Variants in FIGNL2 observed in about 807,000 individuals in gnomAD.
FIGNL2 encodes fidgetin-like protein 2.
For missense variants in FIGNL2, 1,060 were observed against 950.2 expected, an observed-to-expected ratio of 1.12 and a Z score of -1.52; for synonymous variants, 565 against 484.0, an observed-to-expected ratio of 1.17 and a Z score of -2.20.
At chr12:51,823,063 C>T (rs916328624) in intron 1 of FIGNL2, among the ~76,000 whole-genome samples, 3 of 152,214 alleles carry the variant, frequency 2.0e-5, no homozygotes, top group African/African-American at 2.4e-5. Context: ...TGGGAAACCT[C>T]AGTGGCTGAC....
In FIGNL2 at chr12:51,821,716, G is replaced by C; in HGVS notation, c.698C>G (p.Pro233Arg). The C allele has an allele frequency of 7.5e-7, 1 of 1,335,268 alleles. No individual in the cohort carries two copies. Among genetic ancestry groups the C allele is most frequent in the Non-Finnish European group, 9.5e-7 (1 of 1,050,904 alleles). 82.7% of individuals were successfully genotyped at this position (1,335,268 alleles called of 1,614,324 possible). ...PGPPPAPYLT[P>R]GLPAPTPLPA... ...CAGGGGCGTGGGCGCGGGCAGGCCC[G>C]GGGTCAGGTAGGGGGCCGGGGGTGG... is the stretch of plus-strand genomic sequence containing the variant. The change falls in exon 2 of 2, where the codon CCG becomes CGG. Residue 233 changes from proline (P) to arginine (R), a missense_variant. Pro to Arg is a moderately radical substitution (Grantham distance 103, BLOSUM62 -2). Coordinates refer to ENST00000618634, the MANE Select transcript of FIGNL2 (RefSeq NM_001384995.1).
At chr12:51,831,478 C>T (rs573466840) in intron 1 of FIGNL2, among the ~76,000 whole-genome samples, 16 of 152,312 alleles carry the variant, frequency 1.1e-4, no homozygotes, top group African/African-American at 3.6e-4. Flanking sequence ...CCCCAGGTCA[C>T]GCAATCCTCT....
At chr12:51,845,714 G>T (rs953555194) in intron 1 of FIGNL2, 21 of 972,786 alleles carry the variant, frequency 2.2e-5, no homozygotes, top group Non-Finnish European at 2.6e-5. Context: ...CTGGCTGACC[G>T]ACGGCAGGGG....
chr12:51,827,394 T>G (rs542606801), intron 1 of FIGNL2, among the ~76,000 whole-genome samples: 17 of 152,194 alleles, frequency 1.1e-4, no homozygotes, highest in Non-Finnish European at 2.5e-4. Flanking sequence ...CTATTTGTTT[T>G]TTTTTTTTTT....
chr12:51,844,787 A>G (rs1371641500), intron 1 of FIGNL2: 15 of 985,406 alleles, frequency 1.5e-5, no homozygotes, highest in Non-Finnish European at 1.8e-5. Context: ...AGATGAGATG[A>G]CCAGCCCAGA....
At chr12:51,838,046 T>G (rs1238267954) in intron 1 of FIGNL2, 6 of 152,258 alleles carry the variant, frequency 3.9e-5, no homozygotes, top group Admixed American at 3.9e-4. Flanking sequence ...CTGCTCGAGG[T>G]GAGCTGCATG....
At chr12:51,825,414 A>G (rs1322300384) in intron 1 of FIGNL2, among the ~76,000 whole-genome samples, 3 of 151,964 alleles carry the variant, frequency 2.0e-5, no homozygotes, top group Non-Finnish European at 4.4e-5. Context: ...GCCTTCAGCA[A>G]TCCTTACTGA....
chr12:51,845,738 G>A, intron 1 of FIGNL2: 1 of 905,238 alleles, frequency 1.1e-6, no homozygotes, highest in African/African-American at 1.8e-5. Flanking sequence ...GGGAAGGCAG[G>A]GCTCCTAAGG....
chr12:51,845,398 G>A (rs955388713), intron 1 of FIGNL2: 49 of 921,008 alleles, frequency 5.3e-5, no homozygotes, highest in Non-Finnish European at 6.0e-5. Context: ...AAGGGGGCAG[G>A]ACCAGCCCAA....
At chr12:51,825,498 C>T (rs918217364) in intron 1 of FIGNL2, among the ~76,000 whole-genome samples, 2 of 152,198 alleles carry the variant, frequency 1.3e-5, no homozygotes, top group African/African-American at 4.8e-5. Flanking sequence ...CAACTGTGGA[C>T]TCCAGTAAGC....
intron 1 of FIGNL2, chr12:51,825,669 T>C (rs963531336): frequency 6.7e-6 from 1 of 148,634 alleles, no homozygotes; most frequent in Non-Finnish European, 1.5e-5. Context: ...CAGGCTGGAG[T>C]GCAGTGGCGC....
chr12:51,833,970 T>G (rs1284298711), intron 1 of FIGNL2, among the ~76,000 whole-genome samples: 1 of 149,516 alleles, frequency 6.7e-6, no homozygotes, highest in East Asian at 1.9e-4. Flanking sequence ...GATGGATGAA[T>G]GGACAGACAA....
At position 51,822,434 on chromosome 12, in the gene FIGNL2, A is replaced by G. The variant is rs1167270746; in HGVS notation, c.-11-10T>C. 5 of 1,612,708 alleles carry G rather than the reference A, an allele frequency of 3.1e-6. No homozygotes were observed. The highest frequency in any genetic ancestry group is 4.2e-6 in the Non-Finnish European group (5 of 1,179,564). On this transcript the variant is annotated splice_polypyrimidine_tract_variant and intron_variant, in intron 1 of 1. Coordinates refer to ENST00000618634, the MANE Select transcript of FIGNL2 (RefSeq NM_001384995.1). The stretch of plus-strand genomic sequence containing the variant: ...TGCATCTTCAACAGAGCTGCGGGCA[A>G]GAGACAGGAGGTCTGGTGAGGTCTA...
intron 1 of FIGNL2, among the ~76,000 whole-genome samples, chr12:51,830,327 A>G (rs576821781): frequency 7.9e-5 from 12 of 152,004 alleles, no homozygotes; most frequent in South Asian, 2.1e-4. Context: ...CTGAGAGTAG[A>G]TTTTAGGTGT....
chr12:51,829,942 T>C (rs1939420715), intron 1 of FIGNL2, among the ~76,000 whole-genome samples: 1 of 152,098 alleles, frequency 6.6e-6, no homozygotes, highest in South Asian at 2.1e-4. Flanking sequence ...TCAAGAGATC[T>C]ATTGTTAAAT....
chr12:51,847,103 C>T, intron 1 of FIGNL2: 1 of 985,384 alleles, frequency 1.0e-6, no homozygotes, highest in Non-Finnish European at 1.2e-6. Flanking sequence ...CAGCACCGGG[C>T]AGCCCGGCGC....
Position 51,848,611 on chromosome 12 carries a change from G to C in FIGNL2, c.-83C>G. The stretch of plus-strand genomic sequence containing the variant: ...CGCGTCCGGCCCGGGGACCGGGGCG[G>C]CGGCGCGGGCCGGGGGCGACAGGCC... On this transcript the variant is annotated 5_prime_UTR_variant, in exon 1 of 2. Coordinates refer to ENST00000618634, the MANE Select transcript of FIGNL2 (RefSeq NM_001384995.1). 6.8e-6 allele frequency: 6 copies of C among 886,018 alleles called. No individual in the cohort carries two copies. The highest frequency in any genetic ancestry group is 8.1e-6 in the Non-Finnish European group (6 of 739,652). The allele number at this position is 886,018 out of a possible 1,614,324, so 54.9% of individuals were successfully genotyped here.
intron 1 of FIGNL2, among the ~76,000 whole-genome samples, chr12:51,834,078 TA>T (rs1939530418): frequency 2.2e-5 from 1 of 46,060 alleles, no homozygotes; most frequent in Non-Finnish European, 6.8e-5. Flanking sequence ...GATGGATGAA[TA>T]GACAGACAGA....
Position 51,821,873 on chromosome 12 carries a change from G to GGGGCAGCGC in FIGNL2, c.532_540dup (p.Ala178_Pro180dup). 2 of 1,305,730 alleles carry GGGGCAGCGC rather than the reference G, an allele frequency of 1.5e-6. No homozygotes were observed. Among genetic ancestry groups the GGGGCAGCGC allele is most frequent in the Non-Finnish European group, 1.9e-6 (2 of 1,030,412 alleles). 80.9% of individuals were successfully genotyped at this position (1,305,730 alleles called of 1,614,324 possible). ...TGCAGGAGCGCGGCCGGGGGCGGCG[G>GGGGCAGCGC]GGGCAGCGCGGCGCCCGTCTGCGCG... On this transcript the variant is annotated inframe_insertion, in exon 2 of 2. Coordinates refer to ENST00000618634, the MANE Select transcript of FIGNL2 (RefSeq NM_001384995.1).
Sources: allele counts gnomAD v4.1 joint callset (sites outside exome capture counted in the v4.1 genomes callset), GRCh38; gene constraint gnomAD v4.1.1; transcripts MANE v1.5; gene names NCBI Gene and HGNC (gene_info 2026-07-23, HGNC 2026-07-21).